PAK3: variants seen among roughly 807,000 people sequenced by gnomAD.
PAK3 encodes the protein p21 (RAC1) activated kinase 3.
Under a neutral mutation model 41.0 loss-of-function variants are expected in PAK3, and 4 were observed. The ratio of observed to expected loss-of-function variants is 0.10; its 90% CI spans 0.05 to 0.22. The LOEUF is 0.22. Among genes scored for constraint, PAK3 ranks in the 10% least tolerant of loss-of-function variants. PAK3 has a pLI of 1.00. For missense variants in PAK3, 205 were observed against 409.9 expected (o/e 0.50, Z 4.32); for synonymous variants, 146 against 139.6 (o/e 1.05, Z -0.32).
chrX:110,972,115 T>C (rs1474160477), intron 1 of PAK3, among the ~76,000 whole-genome samples: 1 of 111,349 alleles, frequency 9.0e-6, no homozygotes, highest in African/African-American at 3.3e-5. Context: ...TATCAATCTA[T>C]CTATCTATCT....
chrX:111,006,812 CCTTTCTTTCTTT>C (rs1275739344), intron 1 of PAK3, among the ~76,000 whole-genome samples: 188 of 54,986 alleles, frequency 3.4e-3, no homozygotes, highest in Non-Finnish European at 4.7e-3. Context: ...TCTGCATTTC[CCTTTCTTTCTTT>C]CTTTCTTTCT....
chrX:111,015,898 C>T (rs1017622261), intron 1 of PAK3, among the ~76,000 whole-genome samples: 1 of 112,281 alleles, frequency 8.9e-6, no homozygotes, highest in Non-Finnish European at 1.9e-5. Context: ...AATATATTCT[C>T]TCATTCAATG....
At chrX:111,178,984 G>T (rs866301345) in intron 11 of PAK3, among the ~76,000 whole-genome samples, 4 of 96,741 alleles carry the variant, frequency 4.1e-5, no homozygotes, top group Non-Finnish European at 8.0e-5. Context: ...TATATATAGA[G>T]AGAGAGATAT....
At chrX:111,063,348 C>A (rs2092673884) in intron 1 of PAK3, among the ~76,000 whole-genome samples, 1 of 111,782 alleles carries the variant, frequency 8.9e-6, no homozygotes, top group South Asian at 3.7e-4. Flanking sequence ...AAGAGTCTAG[C>A]AATTTAAGAG....
chrX:111,205,003 G>A (rs1348244239), intron 16 of PAK3, among the ~76,000 whole-genome samples: 1 of 98,066 alleles, frequency 1.0e-5, no homozygotes, highest in African/African-American at 3.9e-5. Flanking sequence ...ATCTAGACAA[G>A]GAACTTTCTA....
intron 1 of PAK3, among the ~76,000 whole-genome samples, chrX:111,065,228 C>A (rs1019491976): frequency 7.2e-5 from 8 of 110,641 alleles, no homozygotes; most frequent in African/African-American, 2.3e-4. Flanking sequence ...GAGGTATGTT[C>A]CTTTAATGCC....
chrX:111,215,109 ATGTC>A (rs984254957), intron 16 of PAK3, among the ~76,000 whole-genome samples: 2 of 111,676 alleles, frequency 1.8e-5, no homozygotes, highest in Non-Finnish European at 3.8e-5. Flanking sequence ...CTCTCTATAT[ATGTC>A]TGTCTCCCAC....
intron 1 of PAK3, among the ~76,000 whole-genome samples, chrX:110,952,978 T>C (rs1367614203): frequency 8.9e-6 from 1 of 112,337 alleles, no homozygotes; most frequent in African/African-American, 3.2e-5. Flanking sequence ...TAGCCACAGA[T>C]ATGGATTCTA....
chrX:111,182,461 A>G (rs1244481024), intron 11 of PAK3, among the ~76,000 whole-genome samples: 1 of 111,744 alleles, frequency 8.9e-6, no homozygotes, highest in East Asian at 2.8e-4. Flanking sequence ...ATCTGGCCCC[A>G]GCTACATTCT....
intron 1 of PAK3, among the ~76,000 whole-genome samples, chrX:111,080,627 T>A (rs2092826769): frequency 8.9e-6 from 1 of 111,895 alleles, no homozygotes; most frequent in Non-Finnish European, 1.9e-5. Context: ...ACCTGTACAC[T>A]GTTGGTAGGA....
chrX:111,181,454 C>T (rs2094460704), intron 11 of PAK3, among the ~76,000 whole-genome samples: 1 of 111,113 alleles, frequency 9.0e-6, no homozygotes, highest in Admixed American at 9.6e-5. Context: ...TTGCTACTAG[C>T]TCATGCGTAA....
chrX:110,967,761 A>AG (rs1379722060), intron 1 of PAK3, among the ~76,000 whole-genome samples: 1 of 112,133 alleles, frequency 8.9e-6, no homozygotes, highest in East Asian at 2.8e-4. Context: ...GGTGTTACAA[A>AG]GGGGTCTCTG....
At chrX:110,950,740 T>C (rs1298465379) in intron 1 of PAK3, among the ~76,000 whole-genome samples, 2 of 112,284 alleles carry the variant, frequency 1.8e-5, no homozygotes, top group Non-Finnish European at 3.8e-5. Context: ...TTTTACATTA[T>C]TAAATATTGG....
intron 1 of PAK3, among the ~76,000 whole-genome samples, chrX:110,977,394 A>G (rs984400140): frequency 2.7e-5 from 3 of 110,797 alleles, no homozygotes; most frequent in Non-Finnish European, 5.7e-5. Context: ...CATACAAAAT[A>G]TTGTAAAAAT....
At chrX:111,029,667 C>T (rs1338272935) in intron 1 of PAK3, among the ~76,000 whole-genome samples, 1 of 111,793 alleles carries the variant, frequency 8.9e-6, no homozygotes, top group Non-Finnish European at 1.9e-5. Context: ...AGCTGCAGAC[C>T]TCAATCTACA....
chrX:111,194,491 T>G (rs2094592354), intron 14 of PAK3, 73 bp downstream of exon 14: 1 of 620,624 alleles, frequency 1.6e-6, no homozygotes, highest in Non-Finnish European at 2.8e-6. Context: ...TTATTCAGAA[T>G]GTTTGTATCA....
intron 5 of PAK3, among the ~76,000 whole-genome samples, chrX:111,138,554 G>A (rs896522755): frequency 9.0e-6 from 1 of 111,298 alleles, no homozygotes; most frequent in African/African-American, 3.3e-5. Flanking sequence ...AAGCCCAAGA[G>A]TGAGTCTTTA....
At chrX:110,998,888 C>T (rs1201598543) in intron 1 of PAK3, among the ~76,000 whole-genome samples, 1 of 112,029 alleles carries the variant, frequency 8.9e-6, no homozygotes, top group Non-Finnish European at 1.9e-5. Context: ...TTGAGTAGCA[C>T]CTTGGCTTTA....
chrX:111,041,744 G>A (rs2092454427), intron 1 of PAK3, among the ~76,000 whole-genome samples: 1 of 110,367 alleles, frequency 9.1e-6, no homozygotes, highest in Non-Finnish European at 1.9e-5. Flanking sequence ...CATGTATCCA[G>A]GACTTGCCTT....
Sources: allele counts gnomAD v4.1 joint callset (sites outside exome capture counted in the v4.1 genomes callset), GRCh38; gene constraint gnomAD v4.1.1; transcripts MANE v1.5; gene names NCBI Gene and HGNC (gene_info 2026-07-23, HGNC 2026-07-21).